ANKRD26: variants seen among roughly 807,000 people sequenced by gnomAD.
ANKRD26 encodes ankyrin repeat domain-containing protein 26.
A neutral mutation model predicts 208.7 loss-of-function variants in ANKRD26; 141 were observed. That is an observed-to-expected ratio of 0.68 (90% CI 0.59 to 0.78). The LOEUF (loss-of-function observed/expected upper bound fraction) is 0.78, where lower values mean the gene tolerates loss of function less well. Among genes scored for constraint, ANKRD26 ranks in the 30% least tolerant of loss-of-function variants. The pLI is 0.00. For synonymous variants in ANKRD26, 636 were observed against 660.4 expected (o/e 0.96, Z 0.57); for missense variants, 1,889 against 1,938.7 (o/e 0.97, Z 0.48).
chr10:27,003,044 G>A (rs1056221622), downstream of ANKRD26, among the ~76,000 whole-genome samples: 6 of 152,112 alleles, frequency 3.9e-5, no homozygotes, highest in Admixed American at 6.5e-5. Flanking sequence ...TCATAGGAAC[G>A]TTATGTTTTA....
intron 15 of ANKRD26, among the ~76,000 whole-genome samples, chr10:27,058,093 T>C (rs1289233108): frequency 6.6e-6 from 1 of 152,162 alleles, no homozygotes; most frequent in Non-Finnish European, 1.5e-5. Context: ...TCCTTTTTTC[T>C]TTATAAACAA....
At chr10:27,045,476 A>G (rs2054409439) in intron 18 of ANKRD26, among the ~76,000 whole-genome samples, 2 of 152,094 alleles carry the variant, frequency 1.3e-5, no homozygotes, top group Admixed American at 6.6e-5. Flanking sequence ...TGACACTATT[A>G]GCATAAGGCA....
intron 18 of ANKRD26, among the ~76,000 whole-genome samples, chr10:27,044,727 A>G (rs1166792980): frequency 6.6e-6 from 1 of 152,168 alleles, no homozygotes; most frequent in African/African-American, 2.4e-5. Context: ...AATCCTAACA[A>G]TAATTCTGTG....
intron 5 of ANKRD26, among the ~76,000 whole-genome samples, chr10:27,084,218 CAAAA>C (rs1275450082): frequency 1.2e-5 from 1 of 82,446 alleles, no homozygotes; most frequent in Non-Finnish European, 2.9e-5. Context: ...AACTACATCT[CAAAA>C]AAAAAAAAAA....
downstream of ANKRD26, among the ~76,000 whole-genome samples, chr10:26,999,888 T>C (rs572771227): frequency 2.1e-5 from 3 of 146,288 alleles, 1 homozygote; most frequent in African/African-American, 7.7e-5. Flanking sequence ...AAAACAATGA[T>C]CACACAAATT....
At chr10:27,043,368 AT>A (rs2135284729) in intron 20 of ANKRD26, 57 bp downstream of exon 20, 2 of 1,569,414 alleles carry the variant, frequency 1.3e-6, no homozygotes, top group East Asian at 4.5e-5. Flanking sequence ...CATTTATTAC[AT>A]TACATACATT....
intron 4 of ANKRD26, among the ~76,000 whole-genome samples, chr10:27,091,984 TAAA>T (rs3060811): frequency 4.3e-5 from 6 of 139,724 alleles, no homozygotes; most frequent in Admixed American, 2.9e-4. Flanking sequence ...AGACTCCATG[TAAA>T]AAAAAAAAAA....
intron 15 of ANKRD26, among the ~76,000 whole-genome samples, chr10:27,055,655 A>C (rs2054813773): frequency 6.6e-6 from 1 of 152,162 alleles, no homozygotes; most frequent in South Asian, 2.1e-4. Flanking sequence ...ATGATAGAGC[A>C]CTCCTTAAAA....
chr10:27,071,314 C>T (rs796377502), intron 9 of ANKRD26, among the ~76,000 whole-genome samples: 8 of 150,638 alleles, frequency 5.3e-5, no homozygotes, highest in African/African-American at 4.9e-5. Flanking sequence ...TACAGGCGCC[C>T]GCCACCAAGC....
intron 5 of ANKRD26, among the ~76,000 whole-genome samples, chr10:26,977,699 C>G (rs1207150610): frequency 6.6e-6 from 1 of 152,144 alleles, no homozygotes; most frequent in Non-Finnish European, 1.5e-5. Flanking sequence ...CCATTTTGGT[C>G]CTCTCATTAA....
chr10:27,067,177 A>C lies in ANKRD26; in HGVS notation c.1187T>G (p.Val396Gly), dbSNP rs1201561022. ...NNDNLTYVDE[V>G]HKNNRSDMMS... ...CTTACCACTTCTATTATTTTTGTGC[A>C]CTTCATCAACATAAGTCAAATTGTC... Residue 396 changes from valine (V) to glycine (G), a missense_variant, in exon 10 of 34, where the codon GTG becomes GGG. By Grantham distance (109) the Val-to-Gly change is moderately radical. Transcript: ENST00000376087. 5 of 1,613,642 alleles carry C rather than the reference A, an allele frequency of 3.1e-6. No homozygotes were observed. Among genetic ancestry groups the C allele is most frequent in the Non-Finnish European group, 3.4e-6 (4 of 1,179,686 alleles).
intron 16 of ANKRD26, chr10:27,051,603 C>A: frequency 1.0e-6 from 1 of 985,136 alleles, no homozygotes; most frequent in Non-Finnish European, 1.2e-6. Context: ...ATTTTCATGG[C>A]CTAATTTATT....
At chr10:26,958,685 C>A in the ANKRD26 span, among the ~76,000 whole-genome samples, 1 of 152,076 alleles carries the variant, frequency 6.6e-6, no homozygotes, top group East Asian at 1.9e-4. Context: ...GGTGTGTATA[C>A]CACATTTTCT....
Position 27,024,647 on chromosome 10 carries a change from A to C in ANKRD26, c.3973-88T>G, listed in dbSNP as rs2053600706. The C allele has an allele frequency of 9.5e-6, 7 of 733,364 alleles. No homozygotes were observed. In the East Asian group the frequency reaches 1.6e-4, roughly 17 times the overall value. The allele number at this position is 733,364 out of a possible 1,614,324, so 45.4% of individuals were successfully genotyped here. On this transcript the variant is annotated intron_variant, in intron 27 of 33. Transcript: ENST00000376087. ...ATTATTTCTTATGAGTTCATGAGTA[A>C]CATATGTTTAGGCATATAAAATGCA...
At chr10:26,972,105 G>C (rs1021762568), downstream of ANKRD26, among the ~76,000 whole-genome samples, 35 of 151,884 alleles carry the variant, frequency 2.3e-4, no homozygotes, top group Admixed American at 1.3e-3. Context: ...CGTGGTGGCG[G>C]GCGCCTGTAG....
chr10:27,098,703 C>T, intron 1 of ANKRD26, among the ~76,000 whole-genome samples: 1 of 152,054 alleles, frequency 6.6e-6, no homozygotes, highest in Non-Finnish European at 1.5e-5. Flanking sequence ...CGCCCGCCAC[C>T]ATGCCCGGCT....
At chr10:26,975,402 C>CTTTTTTTTTTTTTTTTTTT (rs60226106) in exon 6 of ANKRD26, among the ~76,000 whole-genome samples, 48 of 90,446 alleles carry the variant, frequency 5.3e-4, no homozygotes, top group Non-Finnish European at 6.9e-4. Context: ...CTAATTTTTG[C>CTTTTTTTTTTTTTTTTTTT]TTTTTTTTTT....
intron 13 of ANKRD26, among the ~76,000 whole-genome samples, chr10:27,060,828 A>ATGCTG (rs1277495978): frequency 6.6e-6 from 1 of 152,254 alleles, no homozygotes; most frequent in East Asian, 1.9e-4. Context: ...CAATGTGAGC[A>ATGCTG]TGCTGGTCGA....
Position 27,034,868 on chromosome 10 carries a change from CT to C in ANKRD26, c.3581del (p.Lys1194ArgfsTer3), listed in dbSNP as rs1227152218. 1 of 1,612,736 alleles carries C rather than the reference CT, an allele frequency of 6.2e-7. No individual in the cohort carries two copies. Among genetic ancestry groups the C allele is most frequent in the African/African-American group, 1.3e-5 (1 of 74,910 alleles). On this transcript the variant is annotated frameshift_variant, in exon 24 of 34. Transcript: ENST00000376087. LOFTEE classifies it high-confidence loss of function. The part of the protein sequence containing the change: ...KQSLLLEERN[K>X]ELISECNHLK... ...AGTGATTACATTCACTGATTAACTCCTTATTTCTTTCTTCTAGCAGAAGACT... is the reference window on the plus strand; with the variant it reads ...AGTGATTACATTCACTGATTAACTCCTATTTCTTTCTTCTAGCAGAAGACT...
Sources: allele counts gnomAD v4.1 joint callset (sites outside exome capture counted in the v4.1 genomes callset), GRCh38; gene constraint gnomAD v4.1.1; transcripts MANE v1.5; gene names NCBI Gene and HGNC (gene_info 2026-07-23, HGNC 2026-07-21).